The following DACH2 variants were observed in gnomAD, a reference collection of about 807,000 sequenced individuals.
DACH2 encodes dachshund homolog 2.
Under a neutral mutation model 35.8 loss-of-function variants are expected in DACH2, and 17 were observed. The observed-to-expected ratio is 0.48, with a 90% confidence interval of 0.33 to 0.71. The LOEUF (loss-of-function observed/expected upper bound fraction) is 0.71. DACH2 is among the 30% of genes least tolerant of loss of function. The probability of loss-of-function intolerance (pLI) is 0.02; values close to 1 mark genes in which losing one functional copy is unlikely to be tolerated. For synonymous variants in DACH2, 195 were observed against 177.3 expected, an observed-to-expected ratio of 1.10 and a Z score of -0.79; for missense variants, 469 against 472.7, an observed-to-expected ratio of 0.99 and a Z score of 0.07.
chrX:86,490,727 A>C (rs779315046), intron 2 of DACH2, among the ~76,000 whole-genome samples: 1 of 111,243 alleles, frequency 9.0e-6, no homozygotes, highest in South Asian at 3.7e-4. Flanking sequence ...CTAGGTGATT[A>C]TAATTTTTAA....
chrX:86,287,173 A>ATT (rs36059077), intron 1 of DACH2, among the ~76,000 whole-genome samples: 37 of 109,241 alleles, frequency 3.4e-4, no homozygotes, highest in Non-Finnish European at 5.9e-4. Context: ...GGGTAAATAT[A>ATT]TTTTTTTCCT....
chrX:86,480,312 T>C (rs1417386184), intron 2 of DACH2, among the ~76,000 whole-genome samples: 2 of 112,112 alleles, frequency 1.8e-5, no homozygotes, highest in African/African-American at 3.2e-5. Context: ...TCCCTTACTT[T>C]CTGCCAAACA....
At chrX:86,553,384 G>C (rs1430100565) in intron 3 of DACH2, among the ~76,000 whole-genome samples, 1 of 111,574 alleles carries the variant, frequency 9.0e-6, no homozygotes, top group African/African-American at 3.3e-5. Flanking sequence ...ATTAGATGGT[G>C]CCCACTCAGA....
intron 2 of DACH2, among the ~76,000 whole-genome samples, chrX:86,502,784 GC>G (rs1445181929): frequency 4.5e-4 from 50 of 112,119 alleles, no homozygotes; most frequent in Non-Finnish European, 2.6e-4. Context: ...CCAACCCACA[GC>G]CCGGGGGCTG....
At chrX:86,155,824 C>A (rs1402931298) in intron 1 of DACH2, among the ~76,000 whole-genome samples, 3 of 110,419 alleles carry the variant, frequency 2.7e-5, no homozygotes, top group Non-Finnish European at 3.8e-5. Flanking sequence ...CAGTAAACAC[C>A]GTTAAATGAT....
At chrX:86,821,559 C>T (rs2042512443) in intron 11 of DACH2, among the ~76,000 whole-genome samples, 1 of 111,209 alleles carries the variant, frequency 9.0e-6, no homozygotes, top group Admixed American at 9.6e-5. Flanking sequence ...CTTCATCCTC[C>T]ACAGGATTTT....
At chrX:86,231,687 T>C (rs192278935) in intron 1 of DACH2, among the ~76,000 whole-genome samples, 1 of 112,291 alleles carries the variant, frequency 8.9e-6, no homozygotes, top group African/African-American at 3.2e-5. Context: ...AGAAAAGGGC[T>C]TTAGTTCTTC....
chrX:86,514,434 GC>G, intron 3 of DACH2, 43 bp downstream of exon 3: 1 of 1,098,532 alleles, frequency 9.1e-7, no homozygotes, highest in Non-Finnish European at 1.2e-6. Flanking sequence ...TCTTCGTACT[GC>G]CCAGCATTTG....
chrX:86,707,460 G>A (rs922802455), intron 5 of DACH2, among the ~76,000 whole-genome samples: 2 of 111,141 alleles, frequency 1.8e-5, no homozygotes, highest in Non-Finnish European at 1.9e-5. Flanking sequence ...AGAAGCAGAG[G>A]GAATACTTTC....
At chrX:86,196,333 C>G (rs757866919) in intron 1 of DACH2, among the ~76,000 whole-genome samples, 1 of 111,173 alleles carries the variant, frequency 9.0e-6, no homozygotes, top group East Asian at 2.8e-4. Context: ...AGGAAAGAAT[C>G]TCAGAGCTAT....
chrX:86,413,809 C>T (rs1338927370), intron 2 of DACH2, among the ~76,000 whole-genome samples: 2 of 110,780 alleles, frequency 1.8e-5, no homozygotes, highest in Non-Finnish European at 3.8e-5. Flanking sequence ...GGGGAAATGA[C>T]CACAGGATGA....
chrX:86,476,417 A>G (rs946114853), intron 2 of DACH2, among the ~76,000 whole-genome samples: 1 of 111,509 alleles, frequency 9.0e-6, no homozygotes, highest in Non-Finnish European at 1.9e-5. Flanking sequence ...CACTTCTTCT[A>G]GATTTTCTGG....
chrX:86,824,337 C>T (rs749624084), intron 11 of DACH2, among the ~76,000 whole-genome samples: 1 of 111,904 alleles, frequency 8.9e-6, no homozygotes, highest in South Asian at 3.8e-4. Flanking sequence ...AAAAATATGG[C>T]TCTATTTTGC....
At chrX:86,454,237 T>C (rs1028789644) in intron 2 of DACH2, among the ~76,000 whole-genome samples, 20 of 111,467 alleles carry the variant, frequency 1.8e-4, no homozygotes, top group African/African-American at 6.2e-4. Context: ...CCTCAGAGAA[T>C]CTGAGGATTA....
intron 7 of DACH2, among the ~76,000 whole-genome samples, chrX:86,759,656 G>A (rs1455821954): frequency 9.1e-6 from 1 of 110,169 alleles, no homozygotes; most frequent in South Asian, 3.8e-4. Flanking sequence ...ATGTGTGAAG[G>A]CTTATTCCTT....
intron 1 of DACH2, among the ~76,000 whole-genome samples, chrX:86,179,965 T>C (rs1003278604): frequency 6.5e-5 from 7 of 108,384 alleles, no homozygotes; most frequent in Admixed American, 2.0e-4. Context: ...ATTCCAAATA[T>C]GTATTTGCAA....
rs2003827 is a variant in DACH2, at chrX:86,316,388, T to A, written c.489-60436T>A. ...GGAGACTCCCCACTCCTTCCGTGCC[T>A]GAGTTGTTTATCTGTGTTTTACAGC... On this transcript the variant is annotated intron_variant, in intron 1 of 11. Transcript: ENST00000373125. Among the ~76,000 whole-genome samples, 191 of 109,534 alleles carry A rather than the reference T, an allele frequency of 1.7e-3. 1 individual carries two copies. Among genetic ancestry groups the A allele is most frequent in the African/African-American group, 5.9e-3 (178 of 30,181 alleles).
chrX:86,401,566 A>G (rs760924006), intron 2 of DACH2, among the ~76,000 whole-genome samples: 168 of 111,547 alleles, frequency 1.5e-3, no homozygotes, highest in African/African-American at 5.4e-3. Context: ...TGCTTTAAAA[A>G]CTGAAAGAAT....
At chrX:86,469,921 A>AT (rs890900249) in intron 2 of DACH2, among the ~76,000 whole-genome samples, 3 of 109,920 alleles carry the variant, frequency 2.7e-5, no homozygotes, top group Non-Finnish European at 5.7e-5. Context: ...AACAGCAAAT[A>AT]TTTTTTTAAT....
Sources: gnomAD v4.1 joint callset for allele counts (sites outside exome capture counted in the v4.1 genomes callset) on GRCh38, gnomAD v4.1.1 for gene constraint, MANE v1.5 for transcripts, NCBI Gene and HGNC (gene_info 2026-07-23, HGNC 2026-07-21) for gene names.